VAT1L: variants seen among roughly 807,000 people sequenced by gnomAD.
VAT1L encodes putative NADPH-dependent quinone oxidoreductase VAT1L.
Under a neutral mutation model 44.1 loss-of-function variants are expected in VAT1L, and 34 were observed. The observed-to-expected ratio is 0.77, with a 90% CI of 0.59 to 1.03. VAT1L has a LOEUF of 1.03. Among genes scored for constraint, VAT1L ranks in the 50% least tolerant of loss-of-function variants. The probability of loss-of-function intolerance (pLI) is 0.00; values close to 1 mark genes in which losing one functional copy is unlikely to be tolerated. For synonymous variants in VAT1L, 253 were observed against 202.2 expected, an observed-to-expected ratio of 1.25 and a Z score of -2.13; for missense variants, 615 against 538.8, an observed-to-expected ratio of 1.14 and a Z score of -1.40.
chr16:77,936,554 G>A (rs879308457), intron 7 of VAT1L, among the ~76,000 whole-genome samples: 2 of 152,086 alleles, frequency 1.3e-5, no homozygotes, highest in Non-Finnish European at 2.9e-5. Context: ...CAGACGATTC[G>A]AAGAGTGAGA....
chr16:77,931,650 T>C (rs967971426), intron 7 of VAT1L, among the ~76,000 whole-genome samples: 26 of 152,252 alleles, frequency 1.7e-4, no homozygotes, highest in Non-Finnish European at 2.5e-4. Flanking sequence ...TTTGTAAGCA[T>C]GGATTGTTGT....
intron 5 of VAT1L, among the ~76,000 whole-genome samples, chr16:77,877,512 CAAAAAAAAAAAA>C (rs55704400): frequency 3.8e-4 from 33 of 86,820 alleles, no homozygotes; most frequent in East Asian, 2.3e-3. Flanking sequence ...GACTCTGTCT[CAAAAAAAAAAAA>C]AAAAAAAAAA....
Position 77,811,847 on chromosome 16 carries a change from C to A in VAT1L, c.234-5074C>A, listed in dbSNP as rs189665459. Among the ~76,000 whole-genome samples, 4 of 152,274 alleles carry A rather than the reference C, an allele frequency of 2.6e-5. No homozygotes were observed. The East Asian group carries it at 7.7e-4, about 29-fold the overall frequency. Reference sequence around the variant, plus strand: ...AAAGTCTAAGCATACAAGTCAATGTCTTTTTCTCAAGACCACCAAGCGTCT... The same window carrying A: ...AAAGTCTAAGCATACAAGTCAATGTATTTTTCTCAAGACCACCAAGCGTCT... On this transcript the variant is annotated intron_variant, in intron 1 of 8. Transcript: ENST00000302536.
At chr16:77,883,801 C>G (rs889908362) in intron 6 of VAT1L, among the ~76,000 whole-genome samples, 3 of 152,156 alleles carry the variant, frequency 2.0e-5, no homozygotes, top group African/African-American at 7.2e-5. Flanking sequence ...CCCTACCCGC[C>G]TCCCCAGATT....
chr16:77,792,688 G>T (rs912349579), intron 1 of VAT1L, among the ~76,000 whole-genome samples: 1 of 152,152 alleles, frequency 6.6e-6, no homozygotes, highest in Non-Finnish European at 1.5e-5. Flanking sequence ...AACACTTCCA[G>T]CAGTTTGGGG....
At chr16:77,876,528 T>C (rs1231248880) in intron 5 of VAT1L, 55 bp downstream of exon 5, 11 of 1,498,498 alleles carry the variant, frequency 7.3e-6, no homozygotes, top group Middle Eastern at 3.5e-4. Context: ...TCTACATATG[T>C]GCCTGCAAAG....
chr16:77,933,578 G>T (rs994574737), intron 7 of VAT1L, among the ~76,000 whole-genome samples: 12 of 152,310 alleles, frequency 7.9e-5, no homozygotes, highest in African/African-American at 2.9e-4. Context: ...TAAGCTAAAG[G>T]AATGGAGTAA....
At chr16:77,968,991 GT>G (rs1481063822) in intron 7 of VAT1L, among the ~76,000 whole-genome samples, 2 of 151,838 alleles carry the variant, frequency 1.3e-5, no homozygotes, top group Non-Finnish European at 2.9e-5. Context: ...ACTAATTTTT[GT>G]TTTTTTAGTA....
At chr16:77,964,909 G>C (rs1276988487) in intron 7 of VAT1L, among the ~76,000 whole-genome samples, 1 of 148,768 alleles carries the variant, frequency 6.7e-6, no homozygotes, top group Non-Finnish European at 1.5e-5. Context: ...TTCTGCCTCA[G>C]CCTCCCGAGT....
intron 7 of VAT1L, among the ~76,000 whole-genome samples, chr16:77,937,304 G>T (rs1355345955): frequency 6.6e-6 from 1 of 152,198 alleles, no homozygotes; most frequent in Non-Finnish European, 1.5e-5. Context: ...AGATGGGCGG[G>T]TGGCCAGAGA....
At chr16:77,809,459 CT>C (rs5818090) in intron 1 of VAT1L, among the ~76,000 whole-genome samples, 111,027 of 151,410 alleles carry the variant, frequency 0.73, 41,195 homozygotes, top group East Asian at 0.92. Context: ...CTTTTTTGAT[CT>C]TTTTTTTTTC....
intron 3 of VAT1L, among the ~76,000 whole-genome samples, chr16:77,860,173 T>C (rs973420172): frequency 1.3e-5 from 2 of 152,212 alleles, no homozygotes; most frequent in African/African-American, 4.8e-5. Flanking sequence ...ACCTTGATTT[T>C]AGACTTTGAG....
chr16:77,872,008 A>G (rs2017038365), intron 4 of VAT1L, among the ~76,000 whole-genome samples: 2 of 152,186 alleles, frequency 1.3e-5, no homozygotes, highest in Admixed American at 1.3e-4. Context: ...AGAGCTTACC[A>G]TGAACTGGGC....
chr16:77,938,673 G>T (rs922058903), intron 7 of VAT1L, among the ~76,000 whole-genome samples: 1 of 152,034 alleles, frequency 6.6e-6, no homozygotes, highest in South Asian at 2.1e-4. Flanking sequence ...AGGCCTCCCC[G>T]GAAGCCAAGC....
intron 7 of VAT1L, among the ~76,000 whole-genome samples, chr16:77,915,531 T>A (rs1345813676): frequency 6.6e-6 from 1 of 150,846 alleles, no homozygotes; most frequent in African/African-American, 2.4e-5. Context: ...GGCCTGTGAG[T>A]TGGTCTACCT....
At chr16:77,845,158 C>A (rs1400503986) in intron 3 of VAT1L, among the ~76,000 whole-genome samples, 4 of 151,114 alleles carry the variant, frequency 2.6e-5, no homozygotes, top group Non-Finnish European at 5.9e-5. Flanking sequence ...GCAGACACAG[C>A]CATATCCCCA....
At chr16:77,975,769 C>A (rs1426723297) in intron 8 of VAT1L, among the ~76,000 whole-genome samples, 2 of 152,212 alleles carry the variant, frequency 1.3e-5, no homozygotes, top group Non-Finnish European at 2.9e-5. Flanking sequence ...GTCATGAGGT[C>A]AGAGCAGAGG....
chr16:77,972,477 C>T (rs1054626204), intron 8 of VAT1L, among the ~76,000 whole-genome samples: 1 of 152,160 alleles, frequency 6.6e-6, no homozygotes, highest in Admixed American at 6.5e-5. Flanking sequence ...ACCACCACAC[C>T]CAGCTAATTA....
chr16:77,798,960 C>T (rs935629529), intron 1 of VAT1L, among the ~76,000 whole-genome samples: 7 of 152,084 alleles, frequency 4.6e-5, no homozygotes, highest in Admixed American at 2.6e-4. Context: ...TCCTCTCCTT[C>T]CCCTTCCATC....
Sources: allele counts gnomAD v4.1 joint callset (sites outside exome capture counted in the v4.1 genomes callset), GRCh38; gene constraint gnomAD v4.1.1; transcripts MANE v1.5; gene names NCBI Gene and HGNC (gene_info 2026-07-23, HGNC 2026-07-21).